NELL1: variants seen among roughly 807,000 people sequenced by gnomAD.
NELL1 encodes neural EGFL like 1.
A neutral mutation model predicts 107.4 loss-of-function variants in NELL1; 76 were observed. The ratio of observed to expected loss-of-function variants is 0.71; its 90% CI spans 0.59 to 0.86. The LOEUF (loss-of-function observed/expected upper bound fraction) is 0.86, where lower values mean the gene tolerates loss of function less well. Among genes scored for constraint, NELL1 ranks in the 40% least tolerant of loss-of-function variants. NELL1 has a pLI of 0.00. For missense variants in NELL1, 1,024 were observed against 1,005.5 expected (o/e 1.02, Z -0.25); for synonymous variants, 353 against 341.2 (o/e 1.03, Z -0.38).
intron 13 of NELL1, among the ~76,000 whole-genome samples, chr11:21,164,623 T>A (rs1411111224): frequency 6.6e-6 from 1 of 152,206 alleles, no homozygotes; most frequent in East Asian, 1.9e-4. Flanking sequence ...AAAGAAATCA[T>A]AGTGTTATAA....
At chr11:21,351,717 C>T (rs568050057) in intron 14 of NELL1, among the ~76,000 whole-genome samples, 134 of 152,096 alleles carry the variant, frequency 8.8e-4, no homozygotes, top group Non-Finnish European at 2.6e-4. Flanking sequence ...ATTGAGGGGA[C>T]CATAAATTTC....
intron 15 of NELL1, among the ~76,000 whole-genome samples, chr11:21,521,644 A>G (rs888036783): frequency 6.6e-6 from 1 of 152,176 alleles, no homozygotes; most frequent in Admixed American, 6.5e-5. Context: ...AAAATTATAT[A>G]TCAATTGCTG....
intron 2 of NELL1, among the ~76,000 whole-genome samples, chr11:20,722,810 A>G (rs1715262): frequency 0.83 from 126,908 of 152,122 alleles, 53,300 homozygotes; most frequent in East Asian, 0.95. Context: ...GTATCAGTCT[A>G]TTCTCACACT....
At chr11:21,530,546 A>G (rs1042287457) in intron 15 of NELL1, among the ~76,000 whole-genome samples, 3 of 152,118 alleles carry the variant, frequency 2.0e-5, no homozygotes, top group Non-Finnish European at 4.4e-5. Context: ...TGGCACACGT[A>G]GGACTTTTCA....
intron 9 of NELL1, among the ~76,000 whole-genome samples, chr11:20,935,389 C>T (rs1183361795): frequency 6.6e-6 from 1 of 152,082 alleles, no homozygotes; most frequent in African/African-American, 2.4e-5. Context: ...GGGTGCTCTG[C>T]ACGTGTTTCT....
At chr11:20,872,805 G>T (rs984346006) in intron 4 of NELL1, among the ~76,000 whole-genome samples, 1 of 151,358 alleles carries the variant, frequency 6.6e-6, no homozygotes, top group Non-Finnish European at 1.5e-5. Flanking sequence ...ATTTTGTATG[G>T]GTTGTTTGGG....
At chr11:21,491,108 A>C (rs1415209227) in intron 15 of NELL1, among the ~76,000 whole-genome samples, 6 of 152,108 alleles carry the variant, frequency 3.9e-5, no homozygotes, top group Non-Finnish European at 8.8e-5. Flanking sequence ...ATAATATAAC[A>C]AATAGTCCCA....
intron 16 of NELL1, among the ~76,000 whole-genome samples, chr11:21,539,620 C>T (rs1856239443): frequency 6.6e-6 from 1 of 151,460 alleles, no homozygotes. Flanking sequence ...AGCCAAACTC[C>T]TCTAGACATT....
chr11:20,669,715 T>C lies in NELL1; in HGVS notation c.-9T>C. 2 of 1,613,232 alleles carry C rather than the reference T, an allele frequency of 1.2e-6. 1 individual carries two copies. Among genetic ancestry groups the C allele is most frequent in the Admixed American group, 3.3e-5 (2 of 59,984 alleles). On this transcript the variant is annotated 5_prime_UTR_variant, in exon 1 of 20. Coordinates refer to ENST00000357134, the MANE Select transcript of NELL1 (RefSeq NM_006157.5). This position sits in a 1 kb window ranked among gnomAD's most constrained non-coding sequence, Gnocchi z 4.4. ...GGTGCCCCCTGCTAGGCGGGGACCCTCGAGAGCGATGCCGATGGATTTGAT... is the reference window on the plus strand; with the variant it reads ...GGTGCCCCCTGCTAGGCGGGGACCCCCGAGAGCGATGCCGATGGATTTGAT...
chr11:21,433,540 G>A (rs1300790993), intron 15 of NELL1, among the ~76,000 whole-genome samples: 3 of 152,076 alleles, frequency 2.0e-5, no homozygotes, highest in African/African-American at 7.2e-5. Context: ...AACAGTATAC[G>A]TTATTTTTTG....
chr11:21,001,418 C>T (rs185817573), intron 12 of NELL1, among the ~76,000 whole-genome samples: 134 of 147,468 alleles, frequency 9.1e-4, no homozygotes, highest in Non-Finnish European at 1.6e-3. Context: ...AGGGGAAGAC[C>T]GTTCACTGAT....
chr11:21,534,273 T>C, intron 15 of NELL1, 101 bp from the exon 16 acceptor site: 1 of 1,364,682 alleles, frequency 7.3e-7, no homozygotes, highest in South Asian at 1.2e-5. Context: ...CTAAACAGTT[T>C]TAATTGATAT....
intron 14 of NELL1, among the ~76,000 whole-genome samples, chr11:21,335,029 A>T (rs757115541): frequency 4.6e-5 from 7 of 152,022 alleles, no homozygotes; most frequent in South Asian, 4.1e-4. Flanking sequence ...CTCTCTGAAC[A>T]CATTAAGCCA....
In NELL1 at chr11:20,783,649, G is replaced by A. The variant is rs771755548; in HGVS notation, c.185-31G>A. 5.1e-6 allele frequency: 8 copies of A among 1,569,554 alleles called. No homozygotes were observed. The South Asian group carries it at 9.2e-5, about 18-fold the overall frequency. ...CTTCTCCTTCCTCTTCTCCTCTCCT[G>A]TTTCCTCCTGCTTTTCTTCTTGATT... On this transcript the variant is annotated intron_variant, in intron 2 of 19. Transcript: ENST00000357134.
At chr11:21,423,009 T>C (rs901546996) in intron 15 of NELL1, among the ~76,000 whole-genome samples, 3 of 152,194 alleles carry the variant, frequency 2.0e-5, no homozygotes, top group Non-Finnish European at 4.4e-5. Flanking sequence ...TCCACGCTCA[T>C]AGTAAAAAAA....
intron 12 of NELL1, among the ~76,000 whole-genome samples, chr11:21,095,617 C>CT (rs1034904211): frequency 9.9e-5 from 15 of 150,920 alleles, no homozygotes; most frequent in Admixed American, 4.0e-4. Context: ...CGTCTTTTTT[C>CT]TTTTTTTTTC....
At chr11:20,915,713 ATATATT>A (rs1850233445) in intron 5 of NELL1, among the ~76,000 whole-genome samples, 5 of 57,692 alleles carry the variant, frequency 8.7e-5, no homozygotes, top group East Asian at 6.1e-4. Flanking sequence ...ATATATATAT[ATATATT>A]TTTTTTTTTT....
intron 15 of NELL1, among the ~76,000 whole-genome samples, chr11:21,520,468 G>T (rs1020728739): frequency 3.3e-5 from 5 of 152,098 alleles, no homozygotes; most frequent in Non-Finnish European, 7.4e-5. Context: ...TGTTTGCCTA[G>T]AACATCTGGA....
At chr11:20,975,350 A>G (rs1473092249) in intron 12 of NELL1, among the ~76,000 whole-genome samples, 1 of 151,720 alleles carries the variant, frequency 6.6e-6, no homozygotes, top group Non-Finnish European at 1.5e-5. Context: ...ACACATCTAA[A>G]TGTATATCAT....
Sources: allele counts gnomAD v4.1 joint callset (sites outside exome capture counted in the v4.1 genomes callset), GRCh38; gene constraint gnomAD v4.1.1; non-coding constraint Gnocchi (gnomAD v3.1); transcripts MANE v1.5; gene names NCBI Gene and HGNC (gene_info 2026-07-23, HGNC 2026-07-21).